MOB1A: variants seen among roughly 807,000 people sequenced by gnomAD.
MOB1A encodes MOB kinase activator 1A.
MOB1A carries 10 observed loss-of-function variants against 25.1 expected under a neutral mutation model. The ratio of observed to expected loss-of-function variants is 0.40; its 90% CI spans 0.25 to 0.68. The LOEUF (loss-of-function observed/expected upper bound fraction) is 0.68, where lower values mean the gene tolerates loss of function less well. MOB1A is among the 30% of genes least tolerant of loss of function. MOB1A has a pLI of 0.40. For synonymous variants in MOB1A, 81 were observed against 79.5 expected, an observed-to-expected ratio of 1.02 and a Z score of -0.10; for missense variants, 177 against 256.3, an observed-to-expected ratio of 0.69 and a Z score of 2.11.
chr2:74,178,556 C>G (rs1321626709), intron 1 of MOB1A, 105 bp downstream of exon 1: 1 of 815,964 alleles, frequency 1.2e-6, no homozygotes, highest in Non-Finnish European at 1.7e-6. Flanking sequence ...CCAGCTACCC[C>G]GCCCCCGCCT....
chr2:74,163,837 T>G (rs964741661), intron 4 of MOB1A, among the ~76,000 whole-genome samples: 1 of 152,202 alleles, frequency 6.6e-6, no homozygotes, highest in Admixed American at 6.5e-5. Flanking sequence ...ATCTTGTTCT[T>G]GGCTAGGAAG....
intron 3 of MOB1A, among the ~76,000 whole-genome samples, chr2:74,166,260 G>A (rs1693125915): frequency 6.6e-6 from 1 of 152,050 alleles, no homozygotes; most frequent in Non-Finnish European, 1.5e-5. Flanking sequence ...CTTCAAGCCA[G>A]ATAATTACTT....
intron 4 of MOB1A, among the ~76,000 whole-genome samples, chr2:74,161,396 C>A (rs1310185581): frequency 6.8e-6 from 1 of 146,312 alleles, no homozygotes; most frequent in Non-Finnish European, 1.5e-5. Flanking sequence ...GTAATCCCAG[C>A]ACTTTGGGAG....
intron 3 of MOB1A, 144 bp downstream of exon 3, chr2:74,166,870 A>T: frequency 1.7e-6 from 1 of 571,932 alleles, no homozygotes; most frequent in Non-Finnish European, 3.1e-6. Flanking sequence ...ACAATAACTA[A>T]AAGCTTACAG....
At chr2:74,164,154 T>TTA (rs1256854229) in intron 4 of MOB1A, 3 of 152,180 alleles carry the variant, frequency 2.0e-5, no homozygotes, top group Non-Finnish European at 4.4e-5. Context: ...GCAAATGTGT[T>TTA]TAATAAATGG....
At chr2:74,170,135 T>C (rs958164337) in intron 2 of MOB1A, among the ~76,000 whole-genome samples, 1 of 151,874 alleles carries the variant, frequency 6.6e-6, no homozygotes, top group African/African-American at 2.4e-5. Context: ...TTTGTTTGTT[T>C]GTTTTTGTGT....
chr2:74,177,172 G>C (rs1435144103), intron 1 of MOB1A, among the ~76,000 whole-genome samples: 1 of 152,008 alleles, frequency 6.6e-6, no homozygotes, highest in Non-Finnish European at 1.5e-5. Context: ...AATGAGCCAG[G>C]TGTGGTGGCC....
intron 1 of MOB1A, 126 bp from the exon 2 acceptor site, chr2:74,172,878 A>G: frequency 1.0e-6 from 1 of 993,248 alleles, no homozygotes; most frequent in East Asian, 2.6e-5. Flanking sequence ...TGGGCCAGGC[A>G]TGGTGGCTCA....
At chr2:74,167,375 A>G (rs529112796) in intron 2 of MOB1A, among the ~76,000 whole-genome samples, 1 of 152,256 alleles carries the variant, frequency 6.6e-6, no homozygotes, top group East Asian at 1.9e-4. Flanking sequence ...CCTCCCAAGT[A>G]GTTCGGATTA....
intron 4 of MOB1A, among the ~76,000 whole-genome samples, chr2:74,160,954 A>G (rs186037757): frequency 2.5e-4 from 37 of 150,106 alleles, no homozygotes; most frequent in Non-Finnish European, 4.9e-4. Context: ...AGCTACTCAA[A>G]TGGCTGAGGC....
At chr2:74,168,828 T>C (rs1485549199) in intron 2 of MOB1A, among the ~76,000 whole-genome samples, 1 of 152,226 alleles carries the variant, frequency 6.6e-6, no homozygotes, top group Non-Finnish European at 1.5e-5. Context: ...ACTTAGGTAT[T>C]CAATATTCAC....
At chr2:74,170,564 G>A (rs1182322604) in intron 2 of MOB1A, among the ~76,000 whole-genome samples, 3 of 150,148 alleles carry the variant, frequency 2.0e-5, no homozygotes, top group East Asian at 2.0e-4. Context: ...GCAAAACCTC[G>A]TCTCTACTAA....
chr2:74,159,811 TTTTTTG>T (rs1692908824), intron 4 of MOB1A, among the ~76,000 whole-genome samples: 2 of 127,286 alleles, frequency 1.6e-5, no homozygotes, highest in African/African-American at 6.3e-5. Context: ...TAGTTTTTTG[TTTTTTG>T]TCCCCCCCCC....
intron 2 of MOB1A, among the ~76,000 whole-genome samples, chr2:74,167,723 A>T (rs1693172374): frequency 6.6e-6 from 1 of 152,194 alleles, no homozygotes; most frequent in South Asian, 2.1e-4. Context: ...TAAAAGATCT[A>T]ATTAATCATA....
chr2:74,170,743 T>A (rs1374145925), intron 2 of MOB1A, among the ~76,000 whole-genome samples: 1 of 134,784 alleles, frequency 7.4e-6, no homozygotes, highest in Non-Finnish European at 1.6e-5. Flanking sequence ...AAAAAAAAAT[T>A]AGCAGGGCAT....
At chr2:74,169,355 A>G (rs1572962505) in intron 2 of MOB1A, among the ~76,000 whole-genome samples, 2 of 152,128 alleles carry the variant, frequency 1.3e-5, no homozygotes, top group Admixed American at 1.3e-4. Flanking sequence ...TACAAAAATT[A>G]GCCGGGCATG....
chr2:74,167,158 G>A, intron 2 of MOB1A, 51 bp from the exon 3 acceptor site: 3 of 1,408,246 alleles, frequency 2.1e-6, no homozygotes, highest in Non-Finnish European at 2.0e-6. Context: ...CACAAAATAT[G>A]AGACCTCCAG....
intron 1 of MOB1A, among the ~76,000 whole-genome samples, chr2:74,174,132 G>T (rs1226334747): frequency 7.3e-5 from 11 of 150,888 alleles, no homozygotes; most frequent in Admixed American, 7.3e-4. Context: ...TTAGCTGGGC[G>T]TGGTGGCACA....
intron 4 of MOB1A, among the ~76,000 whole-genome samples, chr2:74,159,818 TCCCCCC>T (rs59971449): frequency 1.0e-5 from 1 of 98,640 alleles, no homozygotes; most frequent in Admixed American, 9.2e-5. Context: ...TTGTTTTTTG[TCCCCCC>T]CCCCACCCCG....
Sources: gnomAD v4.1 joint callset for allele counts (sites outside exome capture counted in the v4.1 genomes callset) on GRCh38, gnomAD v4.1.1 for gene constraint, MANE v1.5 for transcripts, NCBI Gene and HGNC (gene_info 2026-07-23, HGNC 2026-07-21) for gene names.